The following RAB3GAP1 variants were observed in gnomAD, a reference collection of about 807,000 sequenced individuals.
RAB3GAP1 encodes RAB3 GTPase activating protein catalytic subunit 1.
A neutral mutation model predicts 130.7 loss-of-function variants in RAB3GAP1; 86 were observed. The ratio of observed to expected loss-of-function variants is 0.66; its 90% CI spans 0.55 to 0.79. The LOEUF (loss-of-function observed/expected upper bound fraction) is 0.79, where lower values mean the gene tolerates loss of function less well. Ranked by LOEUF, RAB3GAP1 falls within the 30% of genes least tolerant of loss-of-function variation. The pLI is 0.00. For missense variants in RAB3GAP1, 1,029 were observed against 1,169.4 expected, an observed-to-expected ratio of 0.88 and a Z score of 1.75; for synonymous variants, 367 against 401.7, an observed-to-expected ratio of 0.91 and a Z score of 1.03.
At chr2:135,171,531 C>T (rs1237694970), downstream of RAB3GAP1, among the ~76,000 whole-genome samples, 1 of 152,182 alleles carries the variant, frequency 6.6e-6, no homozygotes, top group Admixed American at 6.5e-5. Flanking sequence ...GAAATGGCCT[C>T]TCCAGGGCCC....
At chr2:135,082,001 G>A (rs997010435) in intron 3 of RAB3GAP1, among the ~76,000 whole-genome samples, 2 of 151,910 alleles carry the variant, frequency 1.3e-5, no homozygotes, top group Non-Finnish European at 2.9e-5. Context: ...AATTAGCCAG[G>A]TGTGGTGGCA....
At chr2:135,117,618 TCTGCTTCTTCTG>T (rs1691044348) in intron 7 of RAB3GAP1, among the ~76,000 whole-genome samples, 1 of 131,356 alleles carries the variant, frequency 7.6e-6, no homozygotes, top group Non-Finnish European at 1.7e-5. Flanking sequence ...TTCTTCTGCT[TCTGCTTCTTCTG>T]CTTCTGCTTC....
downstream of RAB3GAP1, among the ~76,000 whole-genome samples, chr2:135,172,840 A>T (rs758964842): frequency 1.3e-5 from 2 of 152,202 alleles, no homozygotes; most frequent in Non-Finnish European, 2.9e-5. Context: ...GAAGTCCCCC[A>T]GACCCACACC....
chr2:135,099,143 T>C (rs186348666), intron 5 of RAB3GAP1, among the ~76,000 whole-genome samples: 1 of 152,296 alleles, frequency 6.6e-6, no homozygotes, highest in East Asian at 1.9e-4. Context: ...AGTCTTTTAC[T>C]GTTAAGTGTG....
intron 5 of RAB3GAP1, among the ~76,000 whole-genome samples, chr2:135,111,737 A>T (rs1267451027): frequency 1.3e-5 from 2 of 152,200 alleles, no homozygotes; most frequent in Non-Finnish European, 2.9e-5. Context: ...CTATTGTTTA[A>T]TGGTCCTTGT....
At chr2:135,107,767 G>A (rs937263380) in intron 5 of RAB3GAP1, among the ~76,000 whole-genome samples, 3 of 151,920 alleles carry the variant, frequency 2.0e-5, no homozygotes, top group African/African-American at 7.3e-5. Context: ...GTGGTCAGGA[G>A]ATCGAGACCA....
chr2:135,121,943 A>AT (rs1691213158), intron 8 of RAB3GAP1, among the ~76,000 whole-genome samples: 2 of 152,074 alleles, frequency 1.3e-5, no homozygotes, highest in Non-Finnish European at 2.9e-5. Flanking sequence ...AAATACAAAA[A>AT]TTAGCCAGGT....
chr2:135,167,160 C>T (rs1394544931), intron 23 of RAB3GAP1, among the ~76,000 whole-genome samples: 1 of 151,968 alleles, frequency 6.6e-6, no homozygotes, highest in Non-Finnish European at 1.5e-5. Context: ...TGTAATTTCA[C>T]TTGGTGTTTT....
At chr2:135,077,406 T>C (rs911659132) in intron 3 of RAB3GAP1, among the ~76,000 whole-genome samples, 1 of 150,180 alleles carries the variant, frequency 6.7e-6, no homozygotes, top group Non-Finnish European at 1.5e-5. Flanking sequence ...AGTTCCTTTG[T>C]GTAGGCTGGG....
intron 17 of RAB3GAP1, among the ~76,000 whole-genome samples, 154 bp from the exon 18 acceptor site, chr2:135,150,215 A>T (rs187388894): frequency 1.0e-3 from 158 of 152,264 alleles, no homozygotes; most frequent in East Asian, 3.9e-4. Context: ...TTTTTTATGT[A>T]AGTTCTAAAA....
chr2:135,091,093 G>C lies in RAB3GAP1; in HGVS notation c.246G>C (p.Glu82Asp). Residue 82 changes from glutamate to aspartate, a missense_variant, in exon 4 of 24, where the codon GAG (glutamate) becomes GAC (aspartate). Transcript: ENST00000264158. ...TCACTCATCATTATCTTGTACAAGAGTCCACTGATAAAGAAGGAAAGGATG... is the reference window on the plus strand; with the variant it reads ...TCACTCATCATTATCTTGTACAAGACTCCACTGATAAAGAAGGAAAGGATG... ...FSVTHHYLVQ[E>D]STDKEGKDEL... is the part of the protein sequence containing the mutation. The C allele has an allele frequency of 6.2e-7, 1 of 1,600,424 alleles. No individual in the cohort carries two copies. Among genetic ancestry groups the C allele is most frequent in the Non-Finnish European group, 8.6e-7 (1 of 1,167,898 alleles).
chr2:135,117,488 T>TGC (rs1691017736), intron 7 of RAB3GAP1, among the ~76,000 whole-genome samples: 1 of 151,680 alleles, frequency 6.6e-6, no homozygotes, highest in African/African-American at 2.4e-5. Context: ...CTTCTGCTTC[T>TGC]TCTTCTGCTT....
intron 3 of RAB3GAP1, among the ~76,000 whole-genome samples, chr2:135,075,062 TA>T (rs1035840924): frequency 9.9e-5 from 15 of 151,494 alleles, no homozygotes; most frequent in African/African-American, 3.4e-4. Context: ...TTTTAACGTT[TA>T]AAAAAAAATG....
At chr2:135,061,661 G>A (rs1486031677) in intron 3 of RAB3GAP1, among the ~76,000 whole-genome samples, 1 of 151,802 alleles carries the variant, frequency 6.6e-6, no homozygotes, top group Non-Finnish European at 1.5e-5. Context: ...TTGAGTTGTA[G>A]GAGTTCTTTT....
chr2:135,172,328 T>G (rs540007179), downstream of RAB3GAP1, among the ~76,000 whole-genome samples: 1 of 151,504 alleles, frequency 6.6e-6, no homozygotes, highest in African/African-American at 2.4e-5. Flanking sequence ...CCAGCTACTC[T>G]GGAGGCTAAG....
At chr2:135,124,301 A>T in intron 9 of RAB3GAP1, 55 bp downstream of exon 9, 1 of 1,471,826 alleles carries the variant, frequency 6.8e-7, no homozygotes, top group Non-Finnish European at 9.5e-7. Context: ...TTGAATTTAT[A>T]TTGATATTGA....
intron 14 of RAB3GAP1, 53 bp from the exon 15 acceptor site, chr2:135,133,808 G>T: frequency 6.6e-7 from 1 of 1,504,454 alleles, no homozygotes; most frequent in Non-Finnish European, 9.2e-7. Flanking sequence ...TCAGTTATAT[G>T]TGTAAAATAT....
At chr2:135,065,154 T>C (rs1387650086) in intron 3 of RAB3GAP1, among the ~76,000 whole-genome samples, 1 of 152,202 alleles carries the variant, frequency 6.6e-6, no homozygotes, top group Non-Finnish European at 1.5e-5. Flanking sequence ...TACACCTCAA[T>C]GTTAGAACTG....
In RAB3GAP1 at chr2:135,135,657, G is replaced by A. The variant is rs540744335; in HGVS notation, c.1648G>A (p.Gly550Arg). The change falls in exon 17 of 24, where the codon GGA becomes AGA. Residue 550 changes from glycine (G) to arginine (R), a missense_variant. By Grantham distance (125) the Gly-to-Arg change is moderately radical. Around this residue, in one of 3 missense-constraint regions of RAB3GAP1, gnomAD observed 373 missense variants for 493.6 expected, o/e 0.76. Coordinates refer to ENST00000264158, the MANE Select transcript of RAB3GAP1 (RefSeq NM_012233.3). Reference protein sequence around the residue: ...DVTNIYPGDAGKAGDQLVPDN... With the variant: ...DVTNIYPGDARKAGDQLVPDN... Reference sequence around the variant, plus strand: ...CACTAATATATATCCAGGGGATGCTGGAAAAGCAGGAGACCAGTTGGTGCC... The same window carrying A: ...CACTAATATATATCCAGGGGATGCTAGAAAAGCAGGAGACCAGTTGGTGCC... The A allele has an allele frequency of 1.2e-6, 2 of 1,613,718 alleles. No homozygotes were observed. Among genetic ancestry groups the A allele is most frequent in the Non-Finnish European group, 1.7e-6 (2 of 1,179,908 alleles).
Sources: gnomAD v4.1 joint callset for allele counts (sites outside exome capture counted in the v4.1 genomes callset) on GRCh38, gnomAD v4.1.1 for gene constraint, gnomAD v4.1.1 regional missense constraint, MANE v1.5 for transcripts, NCBI Gene and HGNC (gene_info 2026-07-23, HGNC 2026-07-21) for gene names.